The following PXDNL variants were observed in gnomAD, a reference collection of about 807,000 sequenced individuals.
PXDNL encodes peroxidasin like.
Under a neutral mutation model 150.8 loss-of-function variants are expected in PXDNL, and 145 were observed. The observed-to-expected ratio is 0.96, with a 90% confidence interval of 0.84 to 1.10. PXDNL has a LOEUF of 1.10. Ranked by LOEUF, PXDNL falls within the 50% of genes least tolerant of loss-of-function variation. PXDNL has a pLI of 0.00. For missense variants in PXDNL, 2,087 were observed against 1,873.9 expected, an observed-to-expected ratio of 1.11 and a Z score of -2.10; for synonymous variants, 757 against 725.7, an observed-to-expected ratio of 1.04 and a Z score of -0.69.
intron 2 of PXDNL, among the ~76,000 whole-genome samples, chr8:51,640,267 G>T (rs1814717858): frequency 6.6e-6 from 1 of 152,090 alleles, no homozygotes; most frequent in Non-Finnish European, 1.5e-5. Flanking sequence ...GGCAAAAACT[G>T]GAAGCATTCC....
chr8:51,434,417 A>T (rs1222856431), intron 12 of PXDNL, among the ~76,000 whole-genome samples: 1 of 152,048 alleles, frequency 6.6e-6, no homozygotes, highest in Non-Finnish European at 1.5e-5. Flanking sequence ...CTTCTTCATC[A>T]CACTTAACAC....
intron 2 of PXDNL, among the ~76,000 whole-genome samples, chr8:51,627,236 C>T (rs1026759422): frequency 6.6e-6 from 1 of 152,084 alleles, no homozygotes; most frequent in African/African-American, 2.4e-5. Flanking sequence ...TAGCAGGTCA[C>T]TAGTGGTTAC....
chr8:51,745,826 G>T (rs1385324152), intron 1 of PXDNL, among the ~76,000 whole-genome samples: 1 of 150,856 alleles, frequency 6.6e-6, no homozygotes, highest in Non-Finnish European at 1.5e-5. Context: ...CTGGAGTGCA[G>T]TGGTGCGACC....
chr8:51,615,325 T>C (rs1453080919), intron 2 of PXDNL, among the ~76,000 whole-genome samples: 1 of 152,148 alleles, frequency 6.6e-6, no homozygotes, highest in Non-Finnish European at 1.5e-5. Flanking sequence ...TCAGTTTCTC[T>C]ATGAAAATTA....
In PXDNL at chr8:51,732,780, T is replaced by C. The variant is rs188698235; in HGVS notation, c.164+76401A>G. Among the ~76,000 whole-genome samples, 11 of 151,406 alleles carry C rather than the reference T, an allele frequency of 7.3e-5. No individual in the cohort carries two copies. The East Asian group carries it at 2.1e-3, about 30-fold the overall frequency. ...GCGTGTGTAGGGAAACTCCCCTTTA[T>C]AAAATCATCAGATCTCAAGAGACTT... is the stretch of plus-strand genomic sequence containing the variant. On this transcript the variant is annotated intron_variant, in intron 1 of 22. Transcript: ENST00000356297.
intron 1 of PXDNL, among the ~76,000 whole-genome samples, chr8:51,683,163 T>C (rs1420871925): frequency 5.2e-5 from 1 of 19,188 alleles, no homozygotes; most frequent in Non-Finnish European, 9.3e-5. Context: ...CAATTGTCTT[T>C]CATATATATA....
At chr8:51,454,973 G>C (rs1252562706) in intron 9 of PXDNL, among the ~76,000 whole-genome samples, 1 of 96,554 alleles carries the variant, frequency 1.0e-5, no homozygotes, top group Non-Finnish European at 1.9e-5. Flanking sequence ...GCCGGGCGCG[G>C]TGGCGGGCGC....
At chr8:51,459,459 T>G (rs1201126845) in intron 8 of PXDNL, among the ~76,000 whole-genome samples, 1 of 152,208 alleles carries the variant, frequency 6.6e-6, no homozygotes, top group Non-Finnish European at 1.5e-5. Flanking sequence ...CAGATGTGTA[T>G]GTGCTATCTA....
At position 51,473,274 on chromosome 8, in the gene PXDNL, AACACACAC is replaced by A. The variant is rs1164131411; in HGVS notation, c.695-978_695-971del. ...AGTTTCATTGAAGCAGTAGAAAATA[AACACACAC>A]ACACACACACACACACACACACACA... On this transcript the variant is annotated intron_variant, in intron 7 of 22. Coordinates refer to ENST00000356297, the MANE Select transcript of PXDNL (RefSeq NM_144651.5). 8.7e-3 allele frequency among the ~76,000 whole-genome samples: 1,166 copies of A among 134,012 alleles called. 5 individuals are homozygous for A. The highest frequency in any genetic ancestry group is 0.02 in the Admixed American group (249 of 12,620). The allele number at this position is 134,012 out of a possible 152,430, so 87.9% of individuals were successfully genotyped here.
intron 3 of PXDNL, among the ~76,000 whole-genome samples, chr8:51,588,091 G>A (rs192024110): frequency 1.3e-5 from 2 of 152,244 alleles, no homozygotes; most frequent in East Asian, 3.9e-4. Flanking sequence ...GACAAGAAAG[G>A]GAAAATAGCC....
intron 2 of PXDNL, among the ~76,000 whole-genome samples, chr8:51,611,610 A>G (rs762345364): frequency 5.9e-5 from 9 of 152,256 alleles, no homozygotes; most frequent in Non-Finnish European, 1.0e-4. Flanking sequence ...GAAAAGGACT[A>G]TGGGATAGGT....
intron 1 of PXDNL, among the ~76,000 whole-genome samples, chr8:51,704,504 T>C (rs954000812): frequency 2.6e-5 from 4 of 152,214 alleles, no homozygotes; most frequent in African/African-American, 9.7e-5. Context: ...ACCTGGAAAT[T>C]AAATTACCTG....
intron 4 of PXDNL, among the ~76,000 whole-genome samples, chr8:51,518,837 G>A (rs1467105734): frequency 2.0e-5 from 3 of 152,136 alleles, no homozygotes; most frequent in Non-Finnish European, 4.4e-5. Context: ...TAGGAGAAAT[G>A]ATGGTAGCAG....
chr8:51,560,604 A>G (rs1444430030), intron 3 of PXDNL, among the ~76,000 whole-genome samples: 9 of 151,966 alleles, frequency 5.9e-5, no homozygotes. Flanking sequence ...AGCTCTCCAC[A>G]TGGAAAAGAA....
At chr8:51,771,616 A>T (rs1190589640) in intron 1 of PXDNL, among the ~76,000 whole-genome samples, 1 of 152,180 alleles carries the variant, frequency 6.6e-6, no homozygotes, top group Non-Finnish European at 1.5e-5. Flanking sequence ...TTGAGCACAG[A>T]ATAGAGACAG....
chr8:51,646,114 G>A (rs1311604254), intron 2 of PXDNL, among the ~76,000 whole-genome samples: 1 of 152,138 alleles, frequency 6.6e-6, no homozygotes, highest in Admixed American at 6.5e-5. Flanking sequence ...GACTAAATTT[G>A]CAGGTAGGGC....
At chr8:51,657,072 A>T (rs1815166726) in intron 1 of PXDNL, among the ~76,000 whole-genome samples, 1 of 152,200 alleles carries the variant, frequency 6.6e-6, no homozygotes, top group Non-Finnish European at 1.5e-5. Context: ...AACTACCAAC[A>T]TCATAGCTTA....
chr8:51,485,797 C>A (rs114429699), intron 5 of PXDNL, among the ~76,000 whole-genome samples: 1 of 152,182 alleles, frequency 6.6e-6, no homozygotes, highest in Admixed American at 6.5e-5. Context: ...ATCTTTCTTG[C>A]CATGCTTTAA....
intron 13 of PXDNL, among the ~76,000 whole-genome samples, chr8:51,424,690 T>A (rs1414906518): frequency 6.6e-6 from 1 of 152,178 alleles, no homozygotes; most frequent in East Asian, 1.9e-4. Context: ...CTTATGAAAT[T>A]GCAGTTAAAA....
Sources: allele counts gnomAD v4.1 joint callset (sites outside exome capture counted in the v4.1 genomes callset), GRCh38; gene constraint gnomAD v4.1.1; transcripts MANE v1.5; gene names NCBI Gene and HGNC (gene_info 2026-07-23, HGNC 2026-07-21).